The following LOC400499 variants were observed in gnomAD, a reference collection of about 807,000 sequenced individuals.
At chr16:11,449,340 T>C in the LOC400499 span, among the ~76,000 whole-genome samples, 1 of 152,182 alleles carries the variant, frequency 6.6e-6, no homozygotes, top group African/African-American at 2.4e-5. Flanking sequence ...GCAGAAATAA[T>C]TTCCTTTTCT....
chr16:11,393,160 C>T, the LOC400499 span, among the ~76,000 whole-genome samples: 1 of 139,104 alleles, frequency 7.2e-6, no homozygotes, highest in African/African-American at 2.8e-5. Flanking sequence ...GGCCACCCCC[C>T]CCCCTTTTTT....
At chr16:11,395,483 G>T in the LOC400499 span, among the ~76,000 whole-genome samples, 1 of 152,184 alleles carries the variant, frequency 6.6e-6, no homozygotes, top group African/African-American at 2.4e-5. Context: ...GCTGGAAACG[G>T]GGAAGTGACA....
At chr16:11,384,109 G>A in the LOC400499 span, 29 of 1,224,746 alleles carry the variant, frequency 2.4e-5, no homozygotes, top group South Asian at 4.2e-5. Flanking sequence ...CTGGGCCTAC[G>A]AAGTCCTCTG....
At chr16:11,522,261 G>C in the LOC400499 span, 1 of 397,418 alleles carries the variant, frequency 2.5e-6, no homozygotes, top group Non-Finnish European at 4.4e-6. Context: ...AGGTTGGGTA[G>C]CTGCATACCC....
chr16:11,526,939 G>C, the LOC400499 span, among the ~76,000 whole-genome samples: 65 of 152,260 alleles, frequency 4.3e-4, no homozygotes, highest in African/African-American at 1.6e-3. Flanking sequence ...GAGAGATGAG[G>C]ATTCACCTGT....
the LOC400499 span, among the ~76,000 whole-genome samples, chr16:11,403,085 A>G: frequency 6.6e-6 from 1 of 151,804 alleles, no homozygotes; most frequent in Non-Finnish European, 1.5e-5. Flanking sequence ...GACCTCCGAC[A>G]TCACTTGACC....
chr16:11,399,682 A>G, the LOC400499 span: 106 of 398,854 alleles, frequency 2.7e-4, no homozygotes, highest in East Asian at 3.8e-3. Context: ...CACTCGGTGC[A>G]GCGGTCAGGC....
the LOC400499 span, among the ~76,000 whole-genome samples, chr16:11,433,082 C>T: frequency 6.6e-6 from 1 of 152,258 alleles, no homozygotes; most frequent in East Asian, 1.9e-4. Context: ...CACAATCATG[C>T]CCATTATTTA....
the LOC400499 span, among the ~76,000 whole-genome samples, chr16:11,433,893 A>T: frequency 1.3e-5 from 2 of 152,162 alleles, no homozygotes; most frequent in African/African-American, 4.8e-5. Context: ...CTGTTCTCAA[A>T]TCATATCCTC....
At chr16:11,494,835 G>GA in the LOC400499 span, 1 of 391,844 alleles carries the variant, frequency 2.6e-6, no homozygotes, top group African/African-American at 2.2e-5. Flanking sequence ...GCCACACACC[G>GA]ACTCACCTGG....
the LOC400499 span, among the ~76,000 whole-genome samples, chr16:11,526,931 G>C: frequency 2.0e-5 from 3 of 152,170 alleles, no homozygotes; most frequent in Admixed American, 6.5e-5. Flanking sequence ...ATGTGAGTGA[G>C]AGATGAGGAT....
At chr16:11,404,999 T>C in the LOC400499 span, 2 of 396,688 alleles carry the variant, frequency 5.0e-6, no homozygotes, top group Non-Finnish European at 8.9e-6. Flanking sequence ...TGGTGACATA[T>C]GTCAGGGGAT....
At chr16:11,413,744 AT>A in the LOC400499 span, among the ~76,000 whole-genome samples, 346 of 152,316 alleles carry the variant, frequency 2.3e-3, 3 homozygotes, top group Non-Finnish European at 1.0e-3. Flanking sequence ...CTTTGCCTTC[AT>A]CACAGCAGGT....
At chr16:11,385,331 G>A in the LOC400499 span, 2 of 1,232,208 alleles carry the variant, frequency 1.6e-6, no homozygotes, top group Admixed American at 4.2e-5. Flanking sequence ...CCTGGGCCAG[G>A]AGGATGCTGC....
the LOC400499 span, chr16:11,461,266 AG>A: frequency 1.0e-6 from 1 of 1,000,734 alleles, no homozygotes. Context: ...CCTGCACAAC[AG>A]GCCACAGACA....
At chr16:11,500,864 C>T in the LOC400499 span, 4 of 399,062 alleles carry the variant, frequency 1.0e-5, no homozygotes, top group Admixed American at 4.4e-5. Flanking sequence ...ATGAGAGCCA[C>T]GCCTCCACCT....
chr16:11,525,723 G>A, the LOC400499 span, among the ~76,000 whole-genome samples: 3 of 152,310 alleles, frequency 2.0e-5, no homozygotes, highest in East Asian at 3.9e-4. Flanking sequence ...CAGCCACCAT[G>A]ACCTGCAGAA....
the LOC400499 span, chr16:11,460,091 C>G: frequency 2.3e-6 from 3 of 1,308,290 alleles, no homozygotes; most frequent in African/African-American, 1.5e-5. Flanking sequence ...CCCATGGAGG[C>G]CCTGCCCACC....
the LOC400499 span, chr16:11,390,350 C>T: frequency 8.4e-4 from 1,031 of 1,233,972 alleles, 20 homozygotes; most frequent in Admixed American, 0.035. Flanking sequence ...CCTGGCATCC[C>T]GGGCACCCAG....
Sources: gnomAD v4.1 joint callset for allele counts (sites outside exome capture counted in the v4.1 genomes callset) on GRCh38, gnomAD v4.1.1 for gene constraint, MANE v1.5 for transcripts.